The following STXBP5L variants were observed in gnomAD, a reference collection of about 807,000 sequenced individuals.
STXBP5L encodes the protein syntaxin binding protein 5L, also known as syntaxin-binding protein 5-like.
In STXBP5L, 65 loss-of-function variants were observed where a neutral mutation model predicts 144.5. The ratio of observed to expected loss-of-function variants is 0.45; its 90% CI spans 0.37 to 0.55. The LOEUF (loss-of-function observed/expected upper bound fraction) is 0.55. STXBP5L is among the 20% of genes least tolerant of loss of function. The probability of loss-of-function intolerance (pLI) is 0.00; values close to 1 mark genes in which losing one functional copy is unlikely to be tolerated. For missense variants in STXBP5L, 1,298 were observed against 1,405.5 expected (o/e 0.92, Z 1.22); for synonymous variants, 505 against 469.6 (o/e 1.08, Z -0.97).
intron 3 of STXBP5L, among the ~76,000 whole-genome samples, chr3:121,041,098 T>C (rs75026623): frequency 6.6e-6 from 1 of 152,002 alleles, no homozygotes; most frequent in Non-Finnish European, 1.5e-5. Context: ...TTCCTTTTTT[T>C]TCTCTCTCTC....
At position 121,193,446 on chromosome 3, in the gene STXBP5L, AT is replaced by A. The variant is rs542023071; in HGVS notation, c.878-12474del. On this transcript the variant is annotated intron_variant, in intron 9 of 26. Transcript: ENST00000471454. ...TCATGGATCTAGAGCTAGAAATACCATTTGACCCAGCCATCCCATTACTGGG... is the reference window on the plus strand; with the variant it reads ...TCATGGATCTAGAGCTAGAAATACCATTGACCCAGCCATCCCATTACTGGG... 4.0e-5 allele frequency among the ~76,000 whole-genome samples: 6 copies of A among 150,824 alleles called. No individual in the cohort carries two copies. The South Asian group carries it at 1.3e-3, about 32-fold the overall frequency.
chr3:121,098,434 C>T (rs914797851), intron 5 of STXBP5L, among the ~76,000 whole-genome samples: 1 of 152,110 alleles, frequency 6.6e-6, no homozygotes, highest in Non-Finnish European at 1.5e-5. Context: ...CCCTCATTAT[C>T]GTGAAGACAG....
At chr3:120,974,151 CCCA>C (rs1348605975) in intron 3 of STXBP5L, among the ~76,000 whole-genome samples, 1 of 152,142 alleles carries the variant, frequency 6.6e-6, no homozygotes, top group Non-Finnish European at 1.5e-5. Flanking sequence ...AGTTTACAGT[CCCA>C]CCAACAGTGT....
intron 5 of STXBP5L, among the ~76,000 whole-genome samples, chr3:121,109,033 T>C (rs1452806167): frequency 6.6e-6 from 1 of 151,574 alleles, no homozygotes; most frequent in Admixed American, 6.6e-5. Context: ...AATAAACTAA[T>C]TTATTTGTTT....
At chr3:121,391,802 T>C (rs1410715750) in intron 22 of STXBP5L, among the ~76,000 whole-genome samples, 1 of 152,150 alleles carries the variant, frequency 6.6e-6, no homozygotes, top group Non-Finnish European at 1.5e-5. Flanking sequence ...CAGCCACCTA[T>C]ATGAGGTGCC....
chr3:121,286,634 A>G (rs1378678035), intron 19 of STXBP5L, among the ~76,000 whole-genome samples: 2 of 152,316 alleles, frequency 1.3e-5, no homozygotes, highest in East Asian at 1.9e-4. Flanking sequence ...GGAATGGCCT[A>G]TCCAACATGG....
At chr3:121,005,408 C>T (rs898051269) in intron 3 of STXBP5L, among the ~76,000 whole-genome samples, 2 of 152,088 alleles carry the variant, frequency 1.3e-5, no homozygotes, top group Non-Finnish European at 2.9e-5. Context: ...TCCCCTTTAT[C>T]ATGTTTTATT....
At chr3:120,933,137 G>A (rs973092507) in intron 2 of STXBP5L, among the ~76,000 whole-genome samples, 3 of 151,884 alleles carry the variant, frequency 2.0e-5, no homozygotes, top group Non-Finnish European at 2.9e-5. Flanking sequence ...CATGGCACAT[G>A]TATACATATA....
chr3:121,310,557 G>T (rs1215446413), intron 19 of STXBP5L, among the ~76,000 whole-genome samples: 1 of 151,928 alleles, frequency 6.6e-6, no homozygotes, highest in Non-Finnish European at 1.5e-5. Flanking sequence ...AGAGCTTGTA[G>T]TGAGCCGAAA....
At chr3:121,402,640 A>G (rs1485234556) in intron 22 of STXBP5L, among the ~76,000 whole-genome samples, 1 of 152,232 alleles carries the variant, frequency 6.6e-6, no homozygotes, top group African/African-American at 2.4e-5. Flanking sequence ...ATGTAGCTGA[A>G]TATGGCTAGA....
At chr3:121,139,655 G>A (rs1284791954) in intron 7 of STXBP5L, among the ~76,000 whole-genome samples, 2 of 151,938 alleles carry the variant, frequency 1.3e-5, no homozygotes, top group African/African-American at 2.4e-5. Flanking sequence ...AAGGCAATGA[G>A]AACATTAACC....
At chr3:121,135,257 GTTTTC>G (rs1037963307) in intron 7 of STXBP5L, among the ~76,000 whole-genome samples, 1 of 152,088 alleles carries the variant, frequency 6.6e-6, no homozygotes, top group East Asian at 1.9e-4. Flanking sequence ...GGTGTTGTTT[GTTTTC>G]TTTTCTTGTA....
chr3:121,212,575 A>G (rs1577224852), intron 10 of STXBP5L, among the ~76,000 whole-genome samples: 2 of 151,820 alleles, frequency 1.3e-5, no homozygotes, highest in African/African-American at 4.8e-5. Context: ...TGGTCTGTAT[A>G]TCTGTTTTGA....
intron 10 of STXBP5L, among the ~76,000 whole-genome samples, chr3:121,219,949 A>G (rs2048923674): frequency 6.6e-6 from 1 of 152,160 alleles, no homozygotes; most frequent in African/African-American, 2.4e-5. Flanking sequence ...CAAACTTTTA[A>G]TGCTGTTTTC....
chr3:120,996,277 A>G (rs562768170), intron 3 of STXBP5L, among the ~76,000 whole-genome samples: 9 of 152,122 alleles, frequency 5.9e-5, no homozygotes, highest in Middle Eastern at 6.8e-3. Context: ...TTTTGAATCT[A>G]TAAGTTTACA....
intron 19 of STXBP5L, among the ~76,000 whole-genome samples, chr3:121,310,146 C>T (rs2043475728): frequency 6.6e-6 from 1 of 152,194 alleles, no homozygotes; most frequent in South Asian, 2.1e-4. Context: ...TTAATTCCTA[C>T]TTCACGTCAC....
intron 7 of STXBP5L, among the ~76,000 whole-genome samples, chr3:121,123,242 T>C (rs981621196): frequency 4.0e-5 from 6 of 151,616 alleles, no homozygotes; most frequent in African/African-American, 1.4e-4. Flanking sequence ...CATCTAAATA[T>C]ATGTATATAT....
chr3:121,006,913 A>G (rs908698524), intron 3 of STXBP5L, among the ~76,000 whole-genome samples: 2 of 152,166 alleles, frequency 1.3e-5, no homozygotes, highest in South Asian at 2.1e-4. Flanking sequence ...TTCTGCTGAG[A>G]GATCACCTGT....
At chr3:121,386,179 C>A (rs2046422135) in intron 22 of STXBP5L, among the ~76,000 whole-genome samples, 1 of 152,072 alleles carries the variant, frequency 6.6e-6, no homozygotes, top group Non-Finnish European at 1.5e-5. Flanking sequence ...AGGCCTCATA[C>A]ACAATAGTCA....
Sources: allele counts gnomAD v4.1 joint callset (sites outside exome capture counted in the v4.1 genomes callset), GRCh38; gene constraint gnomAD v4.1.1; transcripts MANE v1.5; gene names NCBI Gene and HGNC (gene_info 2026-07-23, HGNC 2026-07-21).